STX11: variants seen among roughly 807,000 people sequenced by gnomAD.
The protein encoded by STX11 is syntaxin 11, also known as syntaxin-11.
STX11 carries 21 observed loss-of-function variants against 19.9 expected under a neutral mutation model. That is an observed-to-expected ratio of 1.06 (90% confidence interval 0.75 to 1.52). The LOEUF (loss-of-function observed/expected upper bound fraction) is 1.52, where lower values mean the gene tolerates loss of function less well. Ranked by LOEUF, STX11 falls within the 40% of genes most tolerant of loss-of-function variation. The pLI, the probability that STX11 is intolerant of heterozygous loss-of-function variation, is 0.00. For missense variants in STX11, 438 were observed against 405.9 expected, an observed-to-expected ratio of 1.08 and a Z score of -0.68; for synonymous variants, 193 against 174.4, an observed-to-expected ratio of 1.11 and a Z score of -0.84.
rs1801139762 is a variant in STX11 at position 144,155,998 on chromosome 6, CTTTCTT to C, written c.-6+5297_-6+5302del. On this transcript the variant is annotated intron_variant, in intron 1 of 1. Coordinates refer to ENST00000367568, the MANE Select transcript of STX11 (RefSeq NM_003764.4). This position sits in a 1 kb window ranked among gnomAD's most constrained non-coding sequence, Gnocchi z 4.5. ...TCTTTCTTTCTTTCTTTCTTTCTTTCTTTCTTTCTTTCTTTCTCTCTTTCTCTCCTT... is the reference window on the plus strand; with the variant it reads ...TCTTTCTTTCTTTCTTTCTTTCTTTCTCTTTCTTTCTCTCTTTCTCTCCTT... Among the ~76,000 whole-genome samples the C allele has an allele frequency of 1.5e-5, 2 of 129,968 alleles. No individual in the cohort carries two copies. Among genetic ancestry groups the C allele is most frequent in the African/African-American group, 3.9e-5 (1 of 25,724 alleles). 85.3% of individuals were successfully genotyped at this position (129,968 alleles called of 152,430 possible).
chr6:144,145,866 T>C (rs369161915), upstream of STX11, among the ~76,000 whole-genome samples: 1 of 152,170 alleles, frequency 6.6e-6, no homozygotes, highest in African/African-American at 2.4e-5. Flanking sequence ...ATAAAAATGT[T>C]CAGGATGGTG....
Position 144,182,360 on chromosome 6 carries a change from C to A in STX11, c.-5-4263C>A, listed in dbSNP as rs1411475432. 6.6e-6 allele frequency among the ~76,000 whole-genome samples: 1 copy of A among 152,196 alleles called. No homozygotes were observed. The highest frequency in any genetic ancestry group is 2.4e-5 in the African/African-American group (1 of 41,446). On this transcript the variant is annotated intron_variant, in intron 1 of 1. Coordinates refer to ENST00000367568, the MANE Select transcript of STX11 (RefSeq NM_003764.4). This position sits in a 1 kb window ranked among gnomAD's most constrained non-coding sequence, Gnocchi z 4.8. ...TCTATGTCAGTGGAGACAACTCATCCAAGGCTGGCTGAGCCAAGAGAGGTG... is the reference window on the plus strand; with the variant it reads ...TCTATGTCAGTGGAGACAACTCATCAAAGGCTGGCTGAGCCAAGAGAGGTG...
At chr6:144,149,180 A>G (rs373843366), upstream of STX11, among the ~76,000 whole-genome samples, 3 of 152,222 alleles carry the variant, frequency 2.0e-5, no homozygotes, top group Admixed American at 6.5e-5. The surrounding 1 kb of genome is among the most constrained non-coding windows in gnomAD (Gnocchi z 5.1). Flanking sequence ...TCCACATTGT[A>G]CTATTTTGGA....
At chr6:144,168,901 A>G (rs1052186030) in intron 1 of STX11, among the ~76,000 whole-genome samples, 7 of 152,202 alleles carry the variant, frequency 4.6e-5, no homozygotes, top group African/African-American at 1.7e-4. Flanking sequence ...CGTGGCATAA[A>G]CATTATTTTT....
intron 1 of STX11, among the ~76,000 whole-genome samples, chr6:144,181,248 C>T (rs1450618479): frequency 2.0e-5 from 3 of 151,964 alleles, no homozygotes; most frequent in African/African-American, 7.3e-5. Context: ...GAGATTGCCC[C>T]CAAGCTAGGA....
rs563585061 is a variant in STX11, at chr6:144,169,360, T to C, written c.-5-17263T>C. Among the ~76,000 whole-genome samples, 20 of 152,362 alleles carry C rather than the reference T, an allele frequency of 1.3e-4. No homozygotes were observed. Among genetic ancestry groups the C allele is most frequent in the African/African-American group, 4.6e-4 (19 of 41,584 alleles). On this transcript the variant is annotated intron_variant, in intron 1 of 1. Transcript: ENST00000367568. This position sits in a 1 kb window ranked among gnomAD's most constrained non-coding sequence, Gnocchi z 5.2. ...CTTGGCAAATTCATCAATTAATTTCTCTGCTGCTTTGTGATCAGCAGATGC... is the reference window on the plus strand; with the variant it reads ...CTTGGCAAATTCATCAATTAATTTCCCTGCTGCTTTGTGATCAGCAGATGC...
intron 1 of STX11, among the ~76,000 whole-genome samples, chr6:144,163,051 A>C (rs1801382782): frequency 6.6e-6 from 1 of 152,198 alleles, no homozygotes; most frequent in South Asian, 2.1e-4. Context: ...CGTAGTTGAA[A>C]CCAGTGATTG....
At position 144,165,409 on chromosome 6, in the gene STX11, C is replaced by T. The variant is rs1359657018; in HGVS notation, c.-6+14706C>T. 2.0e-5 allele frequency among the ~76,000 whole-genome samples: 3 copies of T among 151,612 alleles called. No homozygotes were observed. The highest frequency in any genetic ancestry group is 2.9e-5 in the Non-Finnish European group (2 of 67,952). ...GGCGGAGGTTGCGGTGAGCAGAGAT[C>T]GCGCCATTGCACTCCAGCCTGGGCA... On this transcript the variant is annotated intron_variant, in intron 1 of 1. Coordinates refer to ENST00000367568, the MANE Select transcript of STX11 (RefSeq NM_003764.4). The surrounding 1 kb of genome is among the most constrained non-coding windows in gnomAD (Gnocchi z 5.8).
intron 1 of STX11, among the ~76,000 whole-genome samples, chr6:144,150,963 T>C (rs1800991419): frequency 3.3e-5 from 5 of 152,222 alleles, no homozygotes; most frequent in Admixed American, 3.3e-4. Context: ...GGACTTAGGA[T>C]TTAGTGCTTC....
chr6:144,164,819 A>G (rs947545481), intron 1 of STX11, among the ~76,000 whole-genome samples: 4 of 152,032 alleles, frequency 2.6e-5, no homozygotes, highest in African/African-American at 9.7e-5. Flanking sequence ...TCAGCATCCC[A>G]AGTAGCTGGG....
chr6:144,146,120 C>A (rs1434241822), upstream of STX11, among the ~76,000 whole-genome samples: 1 of 152,176 alleles, frequency 6.6e-6, no homozygotes. This position sits in a 1 kb window ranked among gnomAD's most constrained non-coding sequence, Gnocchi z 4.4. Flanking sequence ...GGAGTTGCAC[C>A]TCAGAAGGGT....
Position 144,160,037 on chromosome 6 carries a change from C to T in STX11, c.-6+9334C>T, listed in dbSNP as rs1801294040. 6.6e-6 allele frequency among the ~76,000 whole-genome samples: 1 copy of T among 152,114 alleles called. No individual in the cohort carries two copies. Among genetic ancestry groups the T allele is most frequent in the East Asian group, 1.9e-4 (1 of 5,198 alleles). On this transcript the variant is annotated intron_variant, in intron 1 of 1. Transcript: ENST00000367568. This position sits in a 1 kb window ranked among gnomAD's most constrained non-coding sequence, Gnocchi z 4.3. ...AAAATATTATGATTTTTGAGAGACTCTGTCGCCCAGGCTGGAATGAAATGG... is the reference window on the plus strand; with the variant it reads ...AAAATATTATGATTTTTGAGAGACTTTGTCGCCCAGGCTGGAATGAAATGG...
rs987250710 is a variant in STX11 at position 144,162,803 on chromosome 6, C to T, written c.-6+12100C>T. Among the ~76,000 whole-genome samples the T allele has an allele frequency of 2.6e-5, 4 of 152,196 alleles. No homozygotes were observed. The highest frequency in any genetic ancestry group is 4.4e-5 in the Non-Finnish European group (3 of 68,040). On this transcript the variant is annotated intron_variant, in intron 1 of 1. Coordinates refer to ENST00000367568, the MANE Select transcript of STX11 (RefSeq NM_003764.4). This position sits in a 1 kb window ranked among gnomAD's most constrained non-coding sequence, Gnocchi z 4.6. The stretch of plus-strand genomic sequence containing the variant: ...GCTAAGAGCAGTAAGTAAAAAATTA[C>T]TCAACTATCATTTATAAATCTTCTT...
At chr6:144,144,360 G>T in the STX11 span, among the ~76,000 whole-genome samples, 1 of 152,188 alleles carries the variant, frequency 6.6e-6, no homozygotes, top group Non-Finnish European at 1.5e-5. Flanking sequence ...TCACAGAGCA[G>T]CCATTGAGGT....
At position 144,186,588 on chromosome 6, in the gene STX11, A is replaced by G. The variant is rs761706628; in HGVS notation, c.-5-35A>G. On this transcript the variant is annotated intron_variant, in intron 1 of 1. Transcript: ENST00000367568. ...CTTGAAGGCAAATATTTGACTCTCA[A>G]TAGAGAAATTTAACTTCATTATCTC... 8 of 1,613,278 alleles carry G rather than the reference A, an allele frequency of 5.0e-6. No homozygotes were observed. In the Admixed American group the frequency reaches 5.0e-5, roughly 10 times the overall value.
In STX11 at chr6:144,183,481, T is replaced by G. The variant is rs1190526184; in HGVS notation, c.-5-3142T>G. 1.3e-5 allele frequency among the ~76,000 whole-genome samples: 2 copies of G among 152,242 alleles called. No individual in the cohort carries two copies. The highest frequency in any genetic ancestry group is 2.9e-5 in the Non-Finnish European group (2 of 68,040). ...ACATATGTCAAAACAAATGCACACTTGAAAAGCTTTTGATACATATTACTA... is the reference window on the plus strand; with the variant it reads ...ACATATGTCAAAACAAATGCACACTGGAAAAGCTTTTGATACATATTACTA... On this transcript the variant is annotated intron_variant, in intron 1 of 1. Transcript: ENST00000367568. The surrounding 1 kb of genome is among the most constrained non-coding windows in gnomAD (Gnocchi z 4.6).
chr6:144,173,389 GT>G (rs1271390495), intron 1 of STX11, among the ~76,000 whole-genome samples: 1 of 152,192 alleles, frequency 6.6e-6, no homozygotes, highest in African/African-American at 2.4e-5. Context: ...AGCTCACTTT[GT>G]CTAGCTGAGA....
At chr6:144,147,380 T>C (rs768428901), upstream of STX11, among the ~76,000 whole-genome samples, 3 of 152,150 alleles carry the variant, frequency 2.0e-5, no homozygotes, top group East Asian at 5.8e-4. This position sits in a 1 kb window ranked among gnomAD's most constrained non-coding sequence, Gnocchi z 4.2. Context: ...CATTTCACAG[T>C]TAATTGTTCT....
intron 1 of STX11, among the ~76,000 whole-genome samples, chr6:144,166,652 A>T: frequency 6.6e-6 from 1 of 150,682 alleles, no homozygotes. Flanking sequence ...CAGCCTCCCA[A>T]GTAGCTGGGA....
Sources: gnomAD v4.1 joint callset for allele counts (sites outside exome capture counted in the v4.1 genomes callset) on GRCh38, gnomAD v4.1.1 for gene constraint, Gnocchi (gnomAD v3.1) non-coding constraint, MANE v1.5 for transcripts, NCBI Gene and HGNC (gene_info 2026-07-23, HGNC 2026-07-21) for gene names.